The following OR2G6 variants were observed in gnomAD, a reference collection of about 807,000 sequenced individuals.
OR2G6 encodes the protein olfactory receptor 2G6.
For synonymous variants in OR2G6, 183 were observed against 155.2 expected (o/e 1.18, Z -1.33); for missense variants, 457 against 391.3 (o/e 1.17, Z -1.42).
chr1:248,521,584 TTCTA>T lies in OR2G6; in HGVS notation c.-36-24_-36-21del. On this transcript the variant is annotated intron_variant, in intron 1 of 1. Coordinates refer to ENST00000641804, the MANE Select transcript of OR2G6 (RefSeq NM_001013355.2). ...GATTACCATTCTTGACCTCATTACT[TTCTA>T]TCCCCAAATATTAATCACTTAGTAT... 6 of 1,204,654 alleles carry T rather than the reference TTCTA, an allele frequency of 5.0e-6. No individual in the cohort carries two copies. In the South Asian group the frequency reaches 8.4e-5, roughly 17 times the overall value. The allele number at this position is 1,204,654 out of a possible 1,614,324, so 74.6% of individuals were successfully genotyped here.
Position 248,521,639 on chromosome 1 carries a change from C to T in OR2G6, c.-8C>T, listed in dbSNP as rs778855799. 4.4e-6 allele frequency: 7 copies of T among 1,601,682 alleles called. No homozygotes were observed. The highest frequency in any genetic ancestry group is 6.0e-6 in the Non-Finnish European group (7 of 1,171,230). ...TTGAAGCTGAAGAGTCCTGAAGCTG[C>T]AGGAAAAATGGAGGAAACCAACAAC... On this transcript the variant is annotated 5_prime_UTR_variant, in exon 2 of 2. Transcript: ENST00000641804.
chr1:248,522,666 T>G lies in OR2G6; in HGVS notation c.*69T>G. 1 of 1,037,918 alleles carries G rather than the reference T, an allele frequency of 9.6e-7. No homozygotes were observed. The highest frequency in any genetic ancestry group is 1.4e-6 in the Non-Finnish European group (1 of 719,610). The allele number at this position is 1,037,918 out of a possible 1,614,324, so 64.3% of individuals were successfully genotyped here. ...GTGAGGGTTCATCCTCCCCAGACAT[T>G]CCTCTTGTCAATCCCAAAGCCACAG... On this transcript the variant is annotated 3_prime_UTR_variant, in exon 2 of 2. Coordinates refer to ENST00000641804, the MANE Select transcript of OR2G6 (RefSeq NM_001013355.2).
chr1:248,520,756 C>T (rs1664264936), intron 1 of OR2G6, among the ~76,000 whole-genome samples: 1 of 151,848 alleles, frequency 6.6e-6, no homozygotes, highest in Non-Finnish European at 1.5e-5. Context: ...CGCCTATAAT[C>T]CCAGCACTTT....
rs924849258 is a variant in OR2G6, at chr1:248,527,003, C to T, written c.*4406C>T. ...AGAAGCTCTTTAGTTTAATTAGATC[C>T]CATTTGTCAATTTTGGCTTTTGTTG... On this transcript the variant is annotated 3_prime_UTR_variant, in exon 2 of 2. Transcript: ENST00000641804. 6.6e-6 allele frequency: 1 copy of T among 152,082 alleles called. No homozygotes were observed. The highest frequency in any genetic ancestry group is 6.5e-5 in the Admixed American group (1 of 15,272). The allele number at this position is 152,082 out of a possible 1,614,324, so 9.4% of individuals were successfully genotyped here.
chr1:248,521,627 G>A lies in OR2G6; in HGVS notation c.-20G>A, dbSNP rs368988924. ...ATCACTTAGTATTTGAAGCTGAAGA[G>A]TCCTGAAGCTGCAGGAAAAATGGAG... On this transcript the variant is annotated 5_prime_UTR_variant, in exon 2 of 2. Coordinates refer to ENST00000641804, the MANE Select transcript of OR2G6 (RefSeq NM_001013355.2). 6.4e-7 allele frequency: 1 copy of A among 1,556,966 alleles called. No homozygotes were observed. The highest frequency in any genetic ancestry group is 1.7e-5 in the Admixed American group (1 of 58,950).
rs929543345 is a variant in OR2G6 at position 248,522,980 on chromosome 1, A to G, written c.*383A>G. 3 of 180,976 alleles carry G rather than the reference A, an allele frequency of 1.7e-5. No individual in the cohort carries two copies. The highest frequency in any genetic ancestry group is 7.1e-5 in the African/African-American group (3 of 42,128). The allele number at this position is 180,976 out of a possible 1,614,324, so 11.2% of individuals were successfully genotyped here. A position where few individuals can be genotyped will look rare whatever the true frequency, so the allele number is the denominator to read the frequency against. Reference sequence around the variant, plus strand: ...TCCTTCTAATGTGCCAGCCCATCTGATAGACTTCTACTAATGCTTCAAAAC... The same window carrying G: ...TCCTTCTAATGTGCCAGCCCATCTGGTAGACTTCTACTAATGCTTCAAAAC... On this transcript the variant is annotated 3_prime_UTR_variant, in exon 2 of 2. Transcript: ENST00000641804.
intron 1 of OR2G6, among the ~76,000 whole-genome samples, chr1:248,519,828 C>G (rs1664242689): frequency 6.6e-6 from 1 of 151,868 alleles, no homozygotes; most frequent in Non-Finnish European, 1.5e-5. Flanking sequence ...TTTTTTGGTT[C>G]CATATGAAAT....
In OR2G6 at chr1:248,526,902, G is replaced by C. The variant is rs1415330666; in HGVS notation, c.*4305G>C. 6.6e-6 allele frequency: 1 copy of C among 152,188 alleles called. No individual in the cohort carries two copies. Among genetic ancestry groups the C allele is most frequent in the East Asian group, 1.9e-4 (1 of 5,180 alleles). 9.4% of individuals were successfully genotyped at this position (152,188 alleles called of 1,614,324 possible). On this transcript the variant is annotated 3_prime_UTR_variant, in exon 2 of 2. Coordinates refer to ENST00000641804, the MANE Select transcript of OR2G6 (RefSeq NM_001013355.2). ...GATTCTGGATATTATCCCTTTGTCA[G>C]ATGAGTAGACTGCAAAAATTTTCTC...
intron 1 of OR2G6, among the ~76,000 whole-genome samples, chr1:248,519,683 T>C (rs1272345183): frequency 2.0e-5 from 3 of 152,162 alleles, no homozygotes; most frequent in Non-Finnish European, 4.4e-5. Context: ...TCTGTTCCAT[T>C]GGTCTATATA....
rs1166750247 is a variant in OR2G6, at chr1:248,524,545, A to T, written c.*1948A>T. The T allele has an allele frequency of 1.3e-5, 2 of 152,264 alleles. No homozygotes were observed. Among genetic ancestry groups the T allele is most frequent in the Admixed American group, 1.3e-4 (2 of 15,284 alleles). The allele number at this position is 152,264 out of a possible 1,614,324, so 9.4% of individuals were successfully genotyped here. A position where few individuals can be genotyped will look rare whatever the true frequency, so the allele number is the denominator to read the frequency against. On this transcript the variant is annotated 3_prime_UTR_variant, in exon 2 of 2. Coordinates refer to ENST00000641804, the MANE Select transcript of OR2G6 (RefSeq NM_001013355.2). ...GCATAGGAAAGAATGTACCTGTGTC[A>T]GAGTCTCAATCAATTTACATGGAAT...
rs1306640530 is a variant in OR2G6, at chr1:248,523,796, G to GA, written c.*1205dup. On this transcript the variant is annotated 3_prime_UTR_variant, in exon 2 of 2. Transcript: ENST00000641804. ...ATTTTAAGAGAACTGTGCAATTATA[G>GA]AAAAAAGTGATTTAATCTGTGGTTG... The GA allele has an allele frequency of 6.6e-6, 1 of 152,062 alleles. No homozygotes were observed. The highest frequency in any genetic ancestry group is 2.1e-4 in the South Asian group (1 of 4,828). 9.4% of individuals were successfully genotyped at this position (152,062 alleles called of 1,614,324 possible).
chr1:248,524,530 G>A lies in OR2G6; in HGVS notation c.*1933G>A, dbSNP rs1664355953. 6.6e-6 allele frequency: 1 copy of A among 152,194 alleles called. No individual in the cohort carries two copies. The highest frequency in any genetic ancestry group is 1.5e-5 in the Non-Finnish European group (1 of 68,020). The allele number at this position is 152,194 out of a possible 1,614,324, so 9.4% of individuals were successfully genotyped here. A position where few individuals can be genotyped will look rare whatever the true frequency, so the allele number is the denominator to read the frequency against. ...AACCCGAGCAACACAGCATAGGAAA[G>A]AATGTACCTGTGTCAGAGTCTCAAT... is the stretch of plus-strand genomic sequence containing the variant. On this transcript the variant is annotated 3_prime_UTR_variant, in exon 2 of 2. Coordinates refer to ENST00000641804, the MANE Select transcript of OR2G6 (RefSeq NM_001013355.2).
chr1:248,520,857 T>A (rs1013351403), intron 1 of OR2G6, among the ~76,000 whole-genome samples: 919 of 86,894 alleles, frequency 0.011, 8 homozygotes, highest in African/African-American at 0.033. Flanking sequence ...TAAAAAAAAA[T>A]ATATATATAT....
intron 1 of OR2G6, among the ~76,000 whole-genome samples, chr1:248,510,121 CAATTACTTTT>C (rs1329550860): frequency 2.8e-5 from 1 of 35,346 alleles, no homozygotes; most frequent in Admixed American, 3.6e-4. Context: ...TAATTACTTT[CAATTACTTTT>C]TAATAACAGA....
rs368988924 is a variant in OR2G6, at chr1:248,521,627, G to T, written c.-20G>T. 2.3e-4 allele frequency: 361 copies of T among 1,556,960 alleles called. 1 individual carries two copies. Among genetic ancestry groups the T allele is most frequent in the Non-Finnish European group, 2.9e-4 (329 of 1,132,096 alleles). ...ATCACTTAGTATTTGAAGCTGAAGA[G>T]TCCTGAAGCTGCAGGAAAAATGGAG... On this transcript the variant is annotated 5_prime_UTR_variant, in exon 2 of 2. Coordinates refer to ENST00000641804, the MANE Select transcript of OR2G6 (RefSeq NM_001013355.2).
chr1:248,519,816 C>CTT (rs532799825), intron 1 of OR2G6, among the ~76,000 whole-genome samples: 8 of 151,934 alleles, frequency 5.3e-5, no homozygotes, highest in African/African-American at 1.9e-4. Context: ...GCTATATGGC[C>CTT]TTTTTTTGGT....
At chr1:248,520,888 A>G (rs1664270325) in intron 1 of OR2G6, among the ~76,000 whole-genome samples, 2 of 138,700 alleles carry the variant, frequency 1.4e-5, no homozygotes, top group South Asian at 4.4e-4. Flanking sequence ...ATATATATAC[A>G]CACAAAAATT....
At position 248,526,225 on chromosome 1, in the gene OR2G6, G is replaced by T. The variant is rs1664394771; in HGVS notation, c.*3628G>T. ...CTTCAAAATATACTACCAAGTTATAGTTACCAAAACAGCCTGGTATTGGCA... is the reference window on the plus strand; with the variant it reads ...CTTCAAAATATACTACCAAGTTATATTTACCAAAACAGCCTGGTATTGGCA... On this transcript the variant is annotated 3_prime_UTR_variant, in exon 2 of 2. Transcript: ENST00000641804. 6.6e-6 allele frequency: 1 copy of T among 152,144 alleles called. No individual in the cohort carries two copies. The highest frequency in any genetic ancestry group is 2.1e-4 in the South Asian group (1 of 4,828). The allele number at this position is 152,144 out of a possible 1,614,324, so 9.4% of individuals were successfully genotyped here. A position where few individuals can be genotyped will look rare whatever the true frequency, so the allele number is the denominator to read the frequency against.
rs1259059282 is a variant in OR2G6 at position 248,526,066 on chromosome 1, G to A, written c.*3469G>A. ...ATGTTATCACTTTGGTCTCATTTGA[G>A]TATGAATGATCAGACAGGGAAAATA... On this transcript the variant is annotated 3_prime_UTR_variant, in exon 2 of 2. Coordinates refer to ENST00000641804, the MANE Select transcript of OR2G6 (RefSeq NM_001013355.2). 1 of 151,866 alleles carries A rather than the reference G, an allele frequency of 6.6e-6. No individual in the cohort carries two copies. Among genetic ancestry groups the A allele is most frequent in the Non-Finnish European group, 1.5e-5 (1 of 67,978 alleles). The allele number at this position is 151,866 out of a possible 1,614,324, so 9.4% of individuals were successfully genotyped here.
Sources: gnomAD v4.1 joint callset for allele counts (sites outside exome capture counted in the v4.1 genomes callset) on GRCh38, gnomAD v4.1.1 for gene constraint, MANE v1.5 for transcripts, NCBI Gene and HGNC (gene_info 2026-07-23, HGNC 2026-07-21) for gene names.